The following LRFN5 variants were observed in gnomAD, a reference collection of about 807,000 sequenced individuals.
LRFN5 encodes the protein leucine rich repeat and fibronectin type III domain containing 5.
In LRFN5, 24 loss-of-function variants were observed where a neutral mutation model predicts 45.6. The ratio of observed to expected loss-of-function variants is 0.53; its 90% CI spans 0.38 to 0.74. The LOEUF is 0.74. LRFN5 is among the 30% of genes least tolerant of loss of function. The probability of loss-of-function intolerance (pLI) is 0.00; values close to 1 mark genes in which losing one functional copy is unlikely to be tolerated. For missense variants in LRFN5, 776 were observed against 861.5 expected (o/e 0.90, Z 1.24); for synonymous variants, 340 against 313.8 (o/e 1.08, Z -0.88).
intron 1 of LRFN5, among the ~76,000 whole-genome samples, chr14:41,755,575 C>G (rs1198429546): frequency 2.6e-5 from 4 of 152,108 alleles, no homozygotes; most frequent in Admixed American, 2.0e-4. Context: ...TTATCAGAGA[C>G]TAGGATTGCA....
intron 2 of LRFN5, among the ~76,000 whole-genome samples, chr14:41,852,244 C>T (rs1361454515): frequency 6.6e-6 from 1 of 151,742 alleles, no homozygotes; most frequent in East Asian, 1.9e-4. Context: ...CAGAAGTTGG[C>T]AAATAACATA....
intron 1 of LRFN5, among the ~76,000 whole-genome samples, chr14:41,619,180 G>T (rs1466191354): frequency 6.6e-6 from 1 of 151,950 alleles, no homozygotes; most frequent in African/African-American, 2.4e-5. Context: ...ATATTTTGGT[G>T]ATTCATATTT....
rs544812242 is a variant in LRFN5, at chr14:41,842,363, C to A, written c.-20-44243C>A. Among the ~76,000 whole-genome samples, 4 of 152,048 alleles carry A rather than the reference C, an allele frequency of 2.6e-5. No homozygotes were observed. The East Asian group carries it at 5.8e-4, about 22-fold the overall frequency. On this transcript the variant is annotated intron_variant, in intron 2 of 5. Transcript: ENST00000298119. ...TTTTGTCTTGCTGATTAATGTAAAC[C>A]CAAATATCAACAAATAGTTATGTCA...
chr14:41,629,592 G>T (rs1363485782), intron 1 of LRFN5, among the ~76,000 whole-genome samples: 1 of 152,124 alleles, frequency 6.6e-6, no homozygotes. Flanking sequence ...TTCTCTAAAC[G>T]CAGTAAGCTA....
In LRFN5 at chr14:41,607,601, G is replaced by A. The variant is rs1259717585; in HGVS notation, c.-1158G>A. 1.3e-5 allele frequency: 2 copies of A among 152,186 alleles called. No homozygotes were observed. The highest frequency in any genetic ancestry group is 6.5e-5 in the Admixed American group (1 of 15,288). 9.4% of individuals were successfully genotyped at this position (152,186 alleles called of 1,614,324 possible). ...CTGTCTTTTATCCAACTGCCCAGAA[G>A]CAAATGTGTTAACTCGGCGATGCCC... On this transcript the variant is annotated 5_prime_UTR_variant, in exon 1 of 6. Transcript: ENST00000298119.
intron 2 of LRFN5, among the ~76,000 whole-genome samples, chr14:41,775,231 C>T (rs894827024): frequency 1.3e-5 from 2 of 151,524 alleles, no homozygotes; most frequent in African/African-American, 4.9e-5. Context: ...GCTGGGACTA[C>T]AGGCGCCCAC....
rs61990340 is a variant in LRFN5, at chr14:41,717,063, C to G, written c.-196-49791C>G. On this transcript the variant is annotated intron_variant, in intron 1 of 5. Coordinates refer to ENST00000298119, the MANE Select transcript of LRFN5 (RefSeq NM_152447.5). ...CTCCTTTACTGCTATAAAAACCACACAGGCTCATGATAGCAATGGTCATTT... is the reference window on the plus strand; with the variant it reads ...CTCCTTTACTGCTATAAAAACCACAGAGGCTCATGATAGCAATGGTCATTT... Among the ~76,000 whole-genome samples the G allele has an allele frequency of 1.9e-3, 283 of 152,268 alleles. 1 individual carries two copies. Among genetic ancestry groups the G allele is most frequent in the South Asian group, 4.3e-3 (21 of 4,828 alleles).
chr14:41,612,308 T>C (rs1466438559), intron 1 of LRFN5, among the ~76,000 whole-genome samples: 1 of 152,194 alleles, frequency 6.6e-6, no homozygotes, highest in African/African-American at 2.4e-5. Context: ...ATAAGTATTA[T>C]TGCCAATTTT....
chr14:41,689,152 A>C (rs1882256688), intron 1 of LRFN5, among the ~76,000 whole-genome samples: 1 of 151,992 alleles, frequency 6.6e-6, no homozygotes, highest in Non-Finnish European at 1.5e-5. Context: ...TTTTAAAAAG[A>C]AGAAAGCTCT....
chr14:41,856,865 A>T (rs1026341293), intron 2 of LRFN5, among the ~76,000 whole-genome samples: 23 of 146,150 alleles, frequency 1.6e-4, no homozygotes, highest in Non-Finnish European at 2.7e-4. Flanking sequence ...TTTAGTAGAG[A>T]CGGGGTTTCA....
At chr14:41,705,540 C>A (rs919199414) in intron 1 of LRFN5, among the ~76,000 whole-genome samples, 2 of 152,118 alleles carry the variant, frequency 1.3e-5, no homozygotes, top group Admixed American at 1.3e-4. Context: ...CACAGACAGA[C>A]ATAAAAATGA....
At chr14:41,714,260 A>G (rs1399111429) in intron 1 of LRFN5, among the ~76,000 whole-genome samples, 1 of 152,144 alleles carries the variant, frequency 6.6e-6, no homozygotes, top group Non-Finnish European at 1.5e-5. Flanking sequence ...TTAGAGGGAT[A>G]CTTCTTTCTC....
intron 2 of LRFN5, among the ~76,000 whole-genome samples, chr14:41,781,984 C>T (rs1886545096): frequency 1.3e-5 from 2 of 152,054 alleles, no homozygotes; most frequent in South Asian, 4.1e-4. Flanking sequence ...ATAATTTGAA[C>T]ATTCTCTAAA....
At chr14:41,824,307 G>A (rs1359415148) in intron 2 of LRFN5, among the ~76,000 whole-genome samples, 1 of 152,196 alleles carries the variant, frequency 6.6e-6, no homozygotes, top group African/African-American at 2.4e-5. Context: ...TGTTAGGTTT[G>A]AATTTACTTT....
intron 2 of LRFN5, among the ~76,000 whole-genome samples, chr14:41,878,922 A>G (rs1170858577): frequency 6.6e-6 from 1 of 152,118 alleles, no homozygotes; most frequent in Non-Finnish European, 1.5e-5. Flanking sequence ...GGAAATGAAA[A>G]CTATGCTTCT....
At chr14:41,666,837 G>T (rs1269364545) in intron 1 of LRFN5, among the ~76,000 whole-genome samples, 1 of 152,018 alleles carries the variant, frequency 6.6e-6, no homozygotes, top group East Asian at 1.9e-4. Flanking sequence ...AGGAGGGAAG[G>T]CTATGCAACA....
In LRFN5 at chr14:41,759,490, C is replaced by CACAT. The variant is rs1555361166; in HGVS notation, c.-196-7361_-196-7360insTACA. 4.1e-3 allele frequency among the ~76,000 whole-genome samples: 337 copies of CACAT among 82,290 alleles called. 1 individual carries two copies. The highest frequency in any genetic ancestry group is 6.0e-3 in the Admixed American group (42 of 6,982). The allele number at this position is 82,290 out of a possible 152,430, so 54.0% of individuals were successfully genotyped here. On this transcript the variant is annotated intron_variant, in intron 1 of 5. Coordinates refer to ENST00000298119, the MANE Select transcript of LRFN5 (RefSeq NM_152447.5). ...ACACACACACACACACACACACACA[C>CACAT]ACACACACAGAGAGAGCACCAGAAA...
intron 2 of LRFN5, among the ~76,000 whole-genome samples, chr14:41,862,951 G>C (rs552495521): frequency 7.0e-6 from 1 of 142,542 alleles, no homozygotes; most frequent in African/African-American, 2.6e-5. Context: ...TGCAAGCTCC[G>C]CCTCCCAGGT....
chr14:41,685,705 C>T (rs1195777843), intron 1 of LRFN5, among the ~76,000 whole-genome samples: 2 of 152,140 alleles, frequency 1.3e-5, no homozygotes, highest in East Asian at 1.9e-4. Context: ...TTTCCAGCAC[C>T]ATTTACTGAA....
Sources: gnomAD v4.1 joint callset for allele counts (sites outside exome capture counted in the v4.1 genomes callset) on GRCh38, gnomAD v4.1.1 for gene constraint, MANE v1.5 for transcripts, NCBI Gene and HGNC (gene_info 2026-07-23, HGNC 2026-07-21) for gene names.